The following PALLD variants were observed in gnomAD, a reference collection of about 807,000 sequenced individuals.
PALLD encodes the protein palladin.
Under a neutral mutation model 123.5 loss-of-function variants are expected in PALLD, and 61 were observed. The observed-to-expected ratio is 0.49, with a 90% CI of 0.40 to 0.61. The LOEUF is 0.61. Ranked by LOEUF, PALLD falls within the 20% of genes least tolerant of loss-of-function variation. The pLI is 0.00. For missense variants in PALLD, 1,273 were observed against 1,377.0 expected (o/e 0.92, Z 1.20); for synonymous variants, 465 against 496.4 (o/e 0.94, Z 0.84).
rs1226423126 is a variant in PALLD at position 168,512,108 on chromosome 4, A to G, written c.604A>G (p.Ser202Gly). 4.3e-6 allele frequency: 7 copies of G among 1,614,090 alleles called. No individual in the cohort carries two copies. The highest frequency in any genetic ancestry group is 5.9e-6 in the Non-Finnish European group (7 of 1,180,034). The change falls in exon 2 of 22, where the codon AGT becomes GGT. Residue 202 changes from serine to glycine, a missense_variant. Around this residue, in one of 2 missense-constraint regions of PALLD, gnomAD observed 944 missense variants for 954.5 expected, o/e 0.99. Transcript: ENST00000505667. ...AAATGGGGAGTCCTCGTCACCAGAC[A>G]GTGGGTACCTGTCTCCTAAAAATCA... ...SPNGESSSPDSGYLSPKNQPS... is the reference protein window; with the variant it reads ...SPNGESSSPDGGYLSPKNQPS...
intron 2 of PALLD, among the ~76,000 whole-genome samples, chr4:168,647,182 T>C (rs542117933): frequency 5.9e-5 from 9 of 152,340 alleles, no homozygotes; most frequent in Non-Finnish European, 1.2e-4. Context: ...CTTTTAAACC[T>C]AGAAGAAGTC....
At chr4:168,569,485 G>A (rs796818239) in intron 2 of PALLD, among the ~76,000 whole-genome samples, 1 of 150,088 alleles carries the variant, frequency 6.7e-6, no homozygotes, top group South Asian at 2.1e-4. Context: ...AACAACTTAG[G>A]TAGGCACTTC....
intron 2 of PALLD, among the ~76,000 whole-genome samples, chr4:168,569,233 C>G (rs960399331): frequency 2.0e-5 from 3 of 152,078 alleles, no homozygotes; most frequent in Non-Finnish European, 2.9e-5. Context: ...GCAGCCACTC[C>G]CCTCTACATA....
intron 10 of PALLD, among the ~76,000 whole-genome samples, chr4:168,772,945 T>C (rs187339549): frequency 6.6e-6 from 1 of 152,156 alleles, no homozygotes; most frequent in African/African-American, 2.4e-5. Context: ...GCTTGCTCTC[T>C]TGGGCATGGA....
At chr4:168,570,717 G>A (rs1487105152) in intron 2 of PALLD, among the ~76,000 whole-genome samples, 1 of 152,164 alleles carries the variant, frequency 6.6e-6, no homozygotes. Context: ...AATAAGGCTA[G>A]AGGGACATTT....
chr4:168,663,150 T>C (rs1482602749), intron 2 of PALLD, among the ~76,000 whole-genome samples: 1 of 152,232 alleles, frequency 6.6e-6, no homozygotes, highest in Non-Finnish European at 1.5e-5. Flanking sequence ...TTTGAAAATG[T>C]AGGTTTGACT....
At chr4:168,726,210 G>A (rs2150286902) in intron 10 of PALLD, among the ~76,000 whole-genome samples, 2 of 152,266 alleles carry the variant, frequency 1.3e-5, no homozygotes, top group South Asian at 4.1e-4. Flanking sequence ...GGAGAGAAAT[G>A]TTAGGAATTT....
At chr4:168,724,222 G>T (rs995875830) in intron 10 of PALLD, among the ~76,000 whole-genome samples, 9 of 151,978 alleles carry the variant, frequency 5.9e-5, no homozygotes, top group Admixed American at 1.3e-4. Context: ...ATTCATATTT[G>T]CTTAATTTCA....
chr4:168,647,214 C>T (rs927022630), intron 2 of PALLD, among the ~76,000 whole-genome samples: 1 of 152,044 alleles, frequency 6.6e-6, no homozygotes, highest in Admixed American at 6.6e-5. Flanking sequence ...AAAGATTAGA[C>T]AGTAGAATAT....
chr4:168,643,556 A>G (rs1055338820), intron 2 of PALLD, among the ~76,000 whole-genome samples: 2 of 152,162 alleles, frequency 1.3e-5, no homozygotes, highest in Non-Finnish European at 2.9e-5. Context: ...CATCCTGCCA[A>G]TGTACTTTGA....
At chr4:168,875,903 A>G (rs1043724645) in intron 10 of PALLD, among the ~76,000 whole-genome samples, 6 of 152,232 alleles carry the variant, frequency 3.9e-5, no homozygotes, top group African/African-American at 1.4e-4. Flanking sequence ...TCAGGTACAG[A>G]GCGTGATATG....
In PALLD at chr4:168,536,167, C is replaced by T. The variant is rs556439784; in HGVS notation, c.908+23755C>T. On this transcript the variant is annotated intron_variant, in intron 2 of 21. Transcript: ENST00000505667. ...GATCTATGACTCCTGCTACTCAGGA[C>T]TCTCCCAAAAGACCCCTGACTTCTG... 3.6e-4 allele frequency among the ~76,000 whole-genome samples: 55 copies of T among 152,306 alleles called. 2 individuals are homozygous for T. In the South Asian group the frequency reaches 9.3e-3, roughly 26 times the overall value.
At chr4:168,901,407 T>C (rs929283856) in intron 14 of PALLD, among the ~76,000 whole-genome samples, 2 of 152,208 alleles carry the variant, frequency 1.3e-5, no homozygotes, top group African/African-American at 2.4e-5. Flanking sequence ...TTGGTAAAAT[T>C]TTGGAAATAT....
intron 15 of PALLD, among the ~76,000 whole-genome samples, chr4:168,911,753 G>A (rs538012593): frequency 2.0e-5 from 3 of 152,250 alleles, no homozygotes; most frequent in Admixed American, 1.3e-4. Context: ...TGTGCTTCAG[G>A]TACAGTTAAT....
At chr4:168,544,135 C>G (rs111467620) in intron 2 of PALLD, among the ~76,000 whole-genome samples, 1 of 152,132 alleles carries the variant, frequency 6.6e-6, no homozygotes, top group African/African-American at 2.4e-5. Flanking sequence ...TGAATGTGTT[C>G]CAACTTTTAA....
intron 9 of PALLD, 111 bp from the exon 10 acceptor site, chr4:168,711,470 C>T: frequency 1.2e-6 from 1 of 831,786 alleles, no homozygotes; most frequent in East Asian, 2.5e-5. Flanking sequence ...ATCACCTCTT[C>T]TTTAACAACT....
chr4:168,652,108 A>G (rs1263919239), intron 2 of PALLD, among the ~76,000 whole-genome samples: 1 of 152,154 alleles, frequency 6.6e-6, no homozygotes, highest in Non-Finnish European at 1.5e-5. Flanking sequence ...ATACCGCGTG[A>G]CCATGGCAGA....
chr4:168,560,691 C>A (rs1205620287), intron 2 of PALLD, among the ~76,000 whole-genome samples: 1 of 152,144 alleles, frequency 6.6e-6, no homozygotes, highest in African/African-American at 2.4e-5. Flanking sequence ...CCCAGTCAGA[C>A]ATGTATTCAA....
At chr4:168,879,051 T>C (rs1315154686) in intron 10 of PALLD, among the ~76,000 whole-genome samples, 1 of 152,226 alleles carries the variant, frequency 6.6e-6, no homozygotes, top group Non-Finnish European at 1.5e-5. Flanking sequence ...AATGTCTTTA[T>C]GTTTTGATGT....
Sources: allele counts gnomAD v4.1 joint callset (sites outside exome capture counted in the v4.1 genomes callset), GRCh38; gene constraint gnomAD v4.1.1; regional missense constraint gnomAD v4.1.1; transcripts MANE v1.5; gene names NCBI Gene and HGNC (gene_info 2026-07-23, HGNC 2026-07-21).